The following EIF4G3 variants were observed in gnomAD, a reference collection of about 807,000 sequenced individuals.
EIF4G3 encodes the protein eukaryotic translation initiation factor 4 gamma 3.
EIF4G3 carries 34 observed loss-of-function variants against 186.4 expected under a neutral mutation model. The ratio of observed to expected loss-of-function variants is 0.18; its 90% CI spans 0.14 to 0.24. EIF4G3 has a LOEUF of 0.24. Ranked by LOEUF, EIF4G3 falls within the 10% of genes least tolerant of loss-of-function variation. EIF4G3 has a pLI of 1.00. For missense variants in EIF4G3, 1,536 were observed against 1,948.5 expected, an observed-to-expected ratio of 0.79 and a Z score of 3.99; for synonymous variants, 673 against 679.5, an observed-to-expected ratio of 0.99 and a Z score of 0.15.
Position 20,895,474 on chromosome 1 carries a change from C to A in EIF4G3, c.2027G>T (p.Gly676Val). 1 of 1,614,010 alleles carries A rather than the reference C, an allele frequency of 6.2e-7. No individual in the cohort carries two copies. Among genetic ancestry groups the A allele is most frequent in the Non-Finnish European group, 8.5e-7 (1 of 1,179,926 alleles). Residue 676 changes from glycine (G) to valine (V), a missense_variant, in exon 17 of 37, where the codon GGT becomes GTT. Transcript: ENST00000602326. Reference sequence around the variant, plus strand: ...AAACTCCCTGTCATACTGCTTCTTACCTTCAGTATCAGTAGGCTTCCAGGA... The same window carrying A: ...AAACTCCCTGTCATACTGCTTCTTAACTTCAGTATCAGTAGGCTTCCAGGA... The part of the protein sequence containing the change: ...PESWKPTDTE[G>V]KKQYDREFLL...
chr1:20,900,697 G>A (rs1433105145), intron 15 of EIF4G3, among the ~76,000 whole-genome samples: 4 of 152,074 alleles, frequency 2.6e-5, no homozygotes, highest in Non-Finnish European at 4.4e-5. Context: ...ACTCCTTGAG[G>A]CAAAGTTCTC....
chr1:20,970,226 A>C (rs994810779), intron 11 of EIF4G3, among the ~76,000 whole-genome samples: 4 of 152,250 alleles, frequency 2.6e-5, no homozygotes, highest in African/African-American at 9.6e-5. Flanking sequence ...TTCTGACAAC[A>C]ACCTTATATA....
At chr1:20,930,998 AC>A (rs1261307432) in intron 14 of EIF4G3, among the ~76,000 whole-genome samples, 24 of 150,854 alleles carry the variant, frequency 1.6e-4, no homozygotes, top group African/African-American at 5.8e-4. Flanking sequence ...GCGCCACTGC[AC>A]CCACAAATGT....
intron 29 of EIF4G3, among the ~76,000 whole-genome samples, chr1:20,849,046 C>CAA (rs60344352): frequency 0.027 from 466 of 17,340 alleles, 70 homozygotes; most frequent in East Asian, 0.1. Context: ...GACTCTGTCT[C>CAA]AAAAAAAAAA....
intron 2 of EIF4G3, among the ~76,000 whole-genome samples, chr1:21,156,796 C>T (rs145732940): frequency 1.8e-3 from 277 of 152,202 alleles, no homozygotes; most frequent in Non-Finnish European, 3.1e-3. Context: ...AAAATTAGGC[C>T]GGGCACAGTG....
Position 20,973,030 on chromosome 1 carries a change from G to A in EIF4G3, c.563C>T (p.Pro188Leu), listed in dbSNP as rs763355758. Reference sequence around the variant, plus strand: ...TTTTTTCTCTCTCTTGGCTGGAGGCGGCTGTTGCTGCGTAGGCACTATGAT... The same window carrying A: ...TTTTTTCTCTCTCTTGGCTGGAGGCAGCTGTTGCTGCGTAGGCACTATGAT... ...APIIVPTQQQPPPAKREKKTI... is the reference protein window; with the variant it reads ...APIIVPTQQQLPPAKREKKTI... Residue 188 changes from proline to leucine, a missense_variant, in exon 11 of 37, where the codon CCG (proline) becomes CTG (leucine). By Grantham distance (98) the Pro-to-Leu change is moderately conservative. Coordinates refer to ENST00000602326, the MANE Select transcript of EIF4G3 (RefSeq NM_001391906.1). 3.4e-5 allele frequency: 55 copies of A among 1,606,678 alleles called. No homozygotes were observed. The highest frequency in any genetic ancestry group is 1.1e-4 in the South Asian group (10 of 88,626).
chr1:21,007,853 T>C (rs989307103), intron 4 of EIF4G3, among the ~76,000 whole-genome samples: 3 of 152,026 alleles, frequency 2.0e-5, no homozygotes, highest in Admixed American at 6.5e-5. Flanking sequence ...TTATAAAGAG[T>C]GTACAGGATA....
chr1:20,818,374 C>G (rs1424347033), intron 33 of EIF4G3, among the ~76,000 whole-genome samples: 1 of 152,182 alleles, frequency 6.6e-6, no homozygotes, highest in African/African-American at 2.4e-5. Context: ...CGCAGTGGCT[C>G]ACACCAGTAA....
chr1:20,893,681 T>C, intron 17 of EIF4G3, 45 bp from the exon 18 acceptor site: 1 of 1,444,838 alleles, frequency 6.9e-7, no homozygotes, highest in Non-Finnish European at 9.2e-7. Flanking sequence ...TTCCAGAGCA[T>C]TCCCTGCCAC....
At chr1:20,844,556 C>T (rs529599735) in intron 29 of EIF4G3, among the ~76,000 whole-genome samples, 126 of 151,718 alleles carry the variant, frequency 8.3e-4, no homozygotes, top group Admixed American at 2.0e-3. Flanking sequence ...AGACCTTTGT[C>T]GGGGGCCGGG....
chr1:20,984,518 G>T (rs1040085952), intron 7 of EIF4G3, among the ~76,000 whole-genome samples: 2 of 148,606 alleles, frequency 1.3e-5, no homozygotes, highest in African/African-American at 5.0e-5. Flanking sequence ...AAAGAGAAAT[G>T]TATTTGTAAA....
chr1:20,917,862 C>T (rs774260777), intron 14 of EIF4G3, among the ~76,000 whole-genome samples: 3 of 151,984 alleles, frequency 2.0e-5, no homozygotes, highest in East Asian at 1.9e-4. Context: ...TATCAAAATA[C>T]GATAATGTAT....
At chr1:20,953,155 C>T (rs919873532) in intron 12 of EIF4G3, among the ~76,000 whole-genome samples, 2 of 152,098 alleles carry the variant, frequency 1.3e-5, no homozygotes, top group Non-Finnish European at 2.9e-5. Flanking sequence ...GCAATCACTA[C>T]CAAAATATAA....
intron 2 of EIF4G3, among the ~76,000 whole-genome samples, chr1:21,139,868 A>G (rs1232984558): frequency 6.6e-6 from 1 of 152,114 alleles, no homozygotes; most frequent in African/African-American, 2.4e-5. Flanking sequence ...ATATAATTTA[A>G]ACTACAAAAC....
intron 27 of EIF4G3, among the ~76,000 whole-genome samples, chr1:20,852,061 T>A (rs2073472667): frequency 6.6e-6 from 1 of 152,202 alleles, no homozygotes; most frequent in African/African-American, 2.4e-5. Flanking sequence ...TCTTTTCTTT[T>A]TTGAGATGGA....
At chr1:20,886,473 C>A in intron 18 of EIF4G3, 102 bp from the exon 19 acceptor site, 1 of 1,162,248 alleles carries the variant, frequency 8.6e-7, no homozygotes. Flanking sequence ...ATGCTAGATG[C>A]AAAGATTGGG....
At chr1:21,138,830 C>A (rs1188994457) in intron 2 of EIF4G3, among the ~76,000 whole-genome samples, 1 of 152,048 alleles carries the variant, frequency 6.6e-6, no homozygotes, top group Non-Finnish European at 1.5e-5. Context: ...GAAAAAAAAT[C>A]ACTTCCTCAT....
At chr1:20,892,452 G>A (rs1164501604) in intron 18 of EIF4G3, among the ~76,000 whole-genome samples, 1 of 152,202 alleles carries the variant, frequency 6.6e-6, no homozygotes, top group Non-Finnish European at 1.5e-5. Flanking sequence ...GAAAGAGCCT[G>A]CCACTGGGGG....
intron 20 of EIF4G3, among the ~76,000 whole-genome samples, chr1:20,877,939 G>T (rs532083186): frequency 6.6e-6 from 1 of 152,194 alleles, no homozygotes; most frequent in African/African-American, 2.4e-5. Flanking sequence ...AGCCTCCTGA[G>T]TTCAAGTGAT....
Sources: allele counts gnomAD v4.1 joint callset (sites outside exome capture counted in the v4.1 genomes callset), GRCh38; gene constraint gnomAD v4.1.1; transcripts MANE v1.5; gene names NCBI Gene and HGNC (gene_info 2026-07-23, HGNC 2026-07-21).